The following TPM3 variants were observed in gnomAD, a reference collection of about 807,000 sequenced individuals.
TPM3 encodes the protein tropomyosin alpha-3 chain.
A neutral mutation model predicts 43.1 loss-of-function variants in TPM3; 16 were observed. The ratio of observed to expected loss-of-function variants is 0.37; its 90% CI spans 0.25 to 0.56. The LOEUF is 0.56. Among genes scored for constraint, TPM3 ranks in the 20% least tolerant of loss-of-function variants. The probability of loss-of-function intolerance (pLI) is 0.77; values close to 1 mark genes in which losing one functional copy is unlikely to be tolerated. For synonymous variants in TPM3, 101 were observed against 116.9 expected, an observed-to-expected ratio of 0.86 and a Z score of 0.88; for missense variants, 176 against 337.2, an observed-to-expected ratio of 0.52 and a Z score of 3.74.
At chr1:154,191,363 G>T in intron 1 of TPM3, 52 bp from the exon 2 acceptor site, 2 of 1,611,454 alleles carry the variant, frequency 1.2e-6, no homozygotes, top group South Asian at 1.1e-5. Context: ...CAACAATGCA[G>T]GGTTGGACCC....
chr1:154,156,894 G>A (rs1433698744), downstream of TPM3: 3 of 196,386 alleles, frequency 1.5e-5, no homozygotes, highest in Non-Finnish European at 3.2e-5. Context: ...CTCAACATAA[G>A]GGGGACATGA....
chr1:154,188,074 G>A (rs1295996407), intron 2 of TPM3, among the ~76,000 whole-genome samples: 1 of 151,362 alleles, frequency 6.6e-6, no homozygotes, highest in Admixed American at 6.6e-5. Flanking sequence ...ATTTTAAATA[G>A]AGACAGGGTC....
intron 2 of TPM3, among the ~76,000 whole-genome samples, chr1:154,182,823 T>G (rs1411432483): frequency 6.6e-6 from 1 of 152,006 alleles, no homozygotes; most frequent in Non-Finnish European, 1.5e-5. Context: ...CTCGTCCGCT[T>G]GGTGTCCTAC....
chr1:154,186,705 G>A lies in TPM3; in HGVS notation c.243+4481C>T, dbSNP rs1233550999. Reference sequence around the variant, plus strand: ...ACAACAATGTAAATATGCTACTACTGAATTAGACATTTAAAAATGGTTAAA... The same window carrying A: ...ACAACAATGTAAATATGCTACTACTAAATTAGACATTTAAAAATGGTTAAA... On this transcript the variant is annotated intron_variant, in intron 2 of 9. Transcript: ENST00000651641. 1.3e-5 allele frequency among the ~76,000 whole-genome samples: 2 copies of A among 151,606 alleles called. 1 individual carries two copies. The highest frequency in any genetic ancestry group is 4.9e-5 in the African/African-American group (2 of 40,892).
chr1:154,166,386 G>C lies in TPM3; in HGVS notation c.*1551C>G. 3.0e-6 allele frequency: 1 copy of C among 337,480 alleles called. No individual in the cohort carries two copies. Among genetic ancestry groups the C allele is most frequent in the Non-Finnish European group, 4.6e-6 (1 of 216,058 alleles). The allele number at this position is 337,480 out of a possible 1,614,324, so 20.9% of individuals were successfully genotyped here. On this transcript the variant is annotated 3_prime_UTR_variant, in exon 10 of 10. Transcript: ENST00000651641. ...AGTTCACCCCTTCTTAGGCAACCTTGTTGTTCTCCACTCCCAGGAGGTCAC... is the reference window on the plus strand; with the variant it reads ...AGTTCACCCCTTCTTAGGCAACCTTCTTGTTCTCCACTCCCAGGAGGTCAC...
intron 5 of TPM3, chr1:154,171,935 A>G: frequency 7.6e-7 from 1 of 1,316,836 alleles, no homozygotes. Context: ...CACTCAACAA[A>G]ATCAAGTGGA....
At chr1:154,182,496 C>T (rs959603497) in intron 2 of TPM3, among the ~76,000 whole-genome samples, 14 of 152,184 alleles carry the variant, frequency 9.2e-5, no homozygotes, top group African/African-American at 2.7e-4. Flanking sequence ...GCAGGCAGGC[C>T]GGGGTCTTTC....
At position 154,163,437 on chromosome 1, in the gene TPM3, TC is replaced by T; in HGVS notation, c.*4499del. On this transcript the variant is annotated 3_prime_UTR_variant, in exon 10 of 10. Transcript: ENST00000651641. ...CTGAAAATGACTCCTCCTCTTCACT[TC>T]TTAACACTCAAAATGTACCCTCAAA... 6.6e-6 allele frequency among the ~76,000 whole-genome samples: 1 copy of T among 152,250 alleles called. No homozygotes were observed. Among genetic ancestry groups the T allele is most frequent in the East Asian group, 1.9e-4 (1 of 5,180 alleles).
chr1:154,191,109 T>C, intron 2 of TPM3, 77 bp downstream of exon 2: 1 of 1,609,924 alleles, frequency 6.2e-7, no homozygotes, highest in South Asian at 1.1e-5. Flanking sequence ...CACAAGTGTG[T>C]TTGGAATTTC....
intron 2 of TPM3, among the ~76,000 whole-genome samples, chr1:154,182,487 C>T (rs928193266): frequency 1.3e-5 from 2 of 152,240 alleles, no homozygotes; most frequent in Admixed American, 1.3e-4. Context: ...AAGCTGCCAG[C>T]AGGCAGGCCG....
At chr1:154,167,993 ATAG>A in intron 9 of TPM3, 53 bp from the exon 10 acceptor site, 1 of 1,613,164 alleles carries the variant, frequency 6.2e-7, no homozygotes, top group Non-Finnish European at 8.5e-7. Flanking sequence ...ATCAATCTAG[ATAG>A]CAAACTGGGA....
At chr1:154,187,786 C>T (rs146722043) in intron 2 of TPM3, among the ~76,000 whole-genome samples, 43 of 151,648 alleles carry the variant, frequency 2.8e-4, no homozygotes, top group Non-Finnish European at 4.7e-4. Context: ...ACATACTAGC[C>T]GTTTCAGCCT....
chr1:154,184,074 G>A (rs184007537), intron 2 of TPM3, among the ~76,000 whole-genome samples: 140 of 151,798 alleles, frequency 9.2e-4, no homozygotes, highest in African/African-American at 3.2e-3. Context: ...TTGGGACGGA[G>A]TCTCCTCTGT....
At chr1:154,173,321 G>T in intron 3 of TPM3, 120 bp from the exon 4 acceptor site, 1 of 829,304 alleles carries the variant, frequency 1.2e-6, no homozygotes, top group Non-Finnish European at 2.0e-6. Flanking sequence ...CCCTCAAATG[G>T]AAATTCCATG....
Position 154,192,049 on chromosome 1 carries a change from A to G in TPM3, c.-31T>C. 1 of 1,582,684 alleles carries G rather than the reference A, an allele frequency of 6.3e-7. No homozygotes were observed. Among genetic ancestry groups the G allele is most frequent in the Non-Finnish European group, 8.7e-7 (1 of 1,153,216 alleles). ...GTGGCTGTTGGTAGGCTCACCTGTG[A>G]ACACTGGAGAACTGGAGACTGGGGC... On this transcript the variant is annotated 5_prime_UTR_variant, in exon 1 of 10. Coordinates refer to ENST00000651641, the MANE Select transcript of TPM3 (RefSeq NM_152263.4).
chr1:154,172,753 C>A, intron 5 of TPM3, 155 bp downstream of exon 5: 1 of 919,292 alleles, frequency 1.1e-6, no homozygotes, highest in Non-Finnish European at 1.8e-6. Flanking sequence ...AAGCCTAAAA[C>A]CATTCTTGGG....
chr1:154,174,382 AT>A (rs1662005596), intron 3 of TPM3, among the ~76,000 whole-genome samples: 1 of 90,480 alleles, frequency 1.1e-5, no homozygotes, highest in African/African-American at 5.6e-5. Flanking sequence ...ATATATATAT[AT>A]ATATATATAT....
In TPM3 at chr1:154,172,262, G is replaced by C. The variant is rs754373210; in HGVS notation, c.566+646C>G. On this transcript the variant is annotated intron_variant, in intron 5 of 9. Coordinates refer to ENST00000651641, the MANE Select transcript of TPM3 (RefSeq NM_152263.4). ...TGGTCATGATATGTTATGTCTGGCA[G>C]ACGGGAATGTAAGAGGGAAGCACAA... 4 of 792,494 alleles carry C rather than the reference G, an allele frequency of 5.0e-6. No individual in the cohort carries two copies. In the Admixed American group the frequency reaches 7.5e-5, roughly 15 times the overall value. The allele number at this position is 792,494 out of a possible 1,614,324, so 49.1% of individuals were successfully genotyped here.
At chr1:154,169,727 G>A (rs1349611281) in intron 8 of TPM3, 3 of 404,628 alleles carry the variant, frequency 7.4e-6, no homozygotes, top group Admixed American at 7.3e-5. Context: ...AACAAAAATA[G>A]CAAAGGGAGA....
Sources: gnomAD v4.1 joint callset for allele counts (sites outside exome capture counted in the v4.1 genomes callset) on GRCh38, gnomAD v4.1.1 for gene constraint, MANE v1.5 for transcripts, NCBI Gene and HGNC (gene_info 2026-07-23, HGNC 2026-07-21) for gene names.